Variants in NFIB observed in about 807,000 individuals in gnomAD.
NFIB encodes the protein nuclear factor I B.
A neutral mutation model predicts 61.5 loss-of-function variants in NFIB; 11 were observed. The ratio of observed to expected loss-of-function variants is 0.18; its 90% CI spans 0.11 to 0.30. The LOEUF is 0.30. Among genes scored for constraint, NFIB ranks in the 10% least tolerant of loss-of-function variants. The pLI, the probability that NFIB is intolerant of heterozygous loss-of-function variation, is 1.00. For missense variants in NFIB, 471 were observed against 608.9 expected, an observed-to-expected ratio of 0.77 and a Z score of 2.38; for synonymous variants, 260 against 216.5, an observed-to-expected ratio of 1.20 and a Z score of -1.76.
At chr9:14,520,808 G>C in the NFIB span, among the ~76,000 whole-genome samples, 2 of 152,178 alleles carry the variant, frequency 1.3e-5, no homozygotes, top group Non-Finnish European at 2.9e-5. Context: ...CAGGTACTAA[G>C]GGTAAGGCTG....
chr9:14,457,331 A>G, the NFIB span, among the ~76,000 whole-genome samples: 1 of 152,172 alleles, frequency 6.6e-6, no homozygotes, highest in African/African-American at 2.4e-5. Context: ...TAAAAAAATG[A>G]TAGTTTAGTT....
At chr9:14,233,429 T>C (rs996255271) in intron 2 of NFIB, among the ~76,000 whole-genome samples, 1 of 147,844 alleles carries the variant, frequency 6.8e-6, no homozygotes, top group Non-Finnish European at 1.5e-5. Flanking sequence ...TTCTTTTTTT[T>C]TTTTTTTTTT....
intron 1 of NFIB, among the ~76,000 whole-genome samples, chr9:14,346,532 C>T (rs533112833): frequency 6.6e-6 from 1 of 152,272 alleles, no homozygotes; most frequent in African/African-American, 2.4e-5. Flanking sequence ...GCCACACCGT[C>T]GGCGACGGAT....
chr9:14,385,695 G>A (rs1588405156), intron 1 of NFIB, among the ~76,000 whole-genome samples: 1 of 151,166 alleles, frequency 6.6e-6, no homozygotes, highest in Non-Finnish European at 1.5e-5. Context: ...TTATATATTT[G>A]TAATCTTTTA....
intron 4 of NFIB, among the ~76,000 whole-genome samples, chr9:14,152,425 A>C (rs1199640511): frequency 6.6e-6 from 1 of 152,136 alleles, no homozygotes; most frequent in African/African-American, 2.4e-5. Flanking sequence ...ACCATGTTCT[A>C]TATGACACTG....
At chr9:14,437,987 T>G in the NFIB span, among the ~76,000 whole-genome samples, 1 of 151,540 alleles carries the variant, frequency 6.6e-6, no homozygotes, top group Admixed American at 6.6e-5. Flanking sequence ...TCTTGGGTAC[T>G]TTCTAGAACA....
chr9:14,109,197 G>C (rs1308038276), intron 10 of NFIB, among the ~76,000 whole-genome samples: 1 of 151,992 alleles, frequency 6.6e-6, no homozygotes, highest in East Asian at 1.9e-4. Flanking sequence ...AAAATTGTTA[G>C]ACTGAATTAT....
the NFIB span, among the ~76,000 whole-genome samples, chr9:14,499,264 G>C: frequency 4.6e-5 from 7 of 152,122 alleles, no homozygotes; most frequent in African/African-American, 1.7e-4. Flanking sequence ...CTGATGTCTG[G>C]CTGAAAGGCT....
At chr9:14,392,154 A>G (rs892044655) in intron 1 of NFIB, among the ~76,000 whole-genome samples, 1 of 152,242 alleles carries the variant, frequency 6.6e-6, no homozygotes, top group African/African-American at 2.4e-5. Flanking sequence ...AGAAACTGCC[A>G]CAGCCAAGAG....
chr9:14,270,901 A>C (rs112881096), intron 2 of NFIB, among the ~76,000 whole-genome samples: 1 of 152,132 alleles, frequency 6.6e-6, no homozygotes, highest in African/African-American at 2.4e-5. Context: ...TATGAAGCTG[A>C]GTCTCCGTAG....
At chr9:14,229,387 A>G (rs2052838183) in intron 2 of NFIB, among the ~76,000 whole-genome samples, 1 of 152,206 alleles carries the variant, frequency 6.6e-6, no homozygotes, top group South Asian at 2.1e-4. Context: ...ATGGGAGATC[A>G]AGTACTTCTA....
intron 5 of NFIB, among the ~76,000 whole-genome samples, chr9:14,149,001 AAGAC>A (rs2042582252): frequency 6.6e-6 from 1 of 152,214 alleles, no homozygotes; most frequent in South Asian, 2.1e-4. Flanking sequence ...CTTACTCTGA[AAGAC>A]AGTATCTTAT....
chr9:14,267,553 G>C (rs1346837483), intron 2 of NFIB, among the ~76,000 whole-genome samples: 1 of 152,100 alleles, frequency 6.6e-6, no homozygotes, highest in East Asian at 1.9e-4. Flanking sequence ...AAAGACCTTA[G>C]CCAACAAAGA....
intron 1 of NFIB, among the ~76,000 whole-genome samples, chr9:14,350,129 C>T (rs1422666933): frequency 1.3e-5 from 2 of 152,160 alleles, no homozygotes; most frequent in Non-Finnish European, 2.9e-5. Flanking sequence ...TTTTCCAGCG[C>T]TCAGCCTCGG....
intron 10 of NFIB, among the ~76,000 whole-genome samples, chr9:14,097,746 C>T (rs900639814): frequency 6.6e-6 from 1 of 151,850 alleles, no homozygotes; most frequent in African/African-American, 2.4e-5. Context: ...TGAGAGCATA[C>T]ATTTTACAAA....
At chr9:14,243,758 T>C (rs1487343827) in intron 2 of NFIB, among the ~76,000 whole-genome samples, 6 of 152,252 alleles carry the variant, frequency 3.9e-5, no homozygotes, top group Non-Finnish European at 8.8e-5. Context: ...AAGGCAGAAA[T>C]GTTCATCCAC....
intron 2 of NFIB, among the ~76,000 whole-genome samples, chr9:14,267,869 A>G (rs1049928024): frequency 3.3e-5 from 5 of 152,308 alleles, no homozygotes; most frequent in Non-Finnish European, 5.9e-5. Context: ...GCAGTGGCTC[A>G]CGCCTGTAAT....
rs1309631468 is a variant in NFIB at position 14,237,841 on chromosome 9, CAGTGTGTG to C, written c.563-58069_563-58062del. On this transcript the variant is annotated intron_variant, in intron 2 of 10. Transcript: ENST00000380953. ...AAGCTCCTCACCCTGCTAGGTATAACAGTGTGTGTGTGTGTGTGTGTGTGTGTGTGTGT... is the reference window on the plus strand; with the variant it reads ...AAGCTCCTCACCCTGCTAGGTATAACTGTGTGTGTGTGTGTGTGTGTGTGT... Among the ~76,000 whole-genome samples, 8 of 26,028 alleles carry C rather than the reference CAGTGTGTG, an allele frequency of 3.1e-4. No individual in the cohort carries two copies. The South Asian group carries it at 4.6e-3, about 15-fold the overall frequency. The allele number at this position is 26,028 out of a possible 152,430, so 17.1% of individuals were successfully genotyped here.
chr9:14,506,698 C>A, the NFIB span, among the ~76,000 whole-genome samples: 29 of 152,090 alleles, frequency 1.9e-4, no homozygotes, highest in Non-Finnish European at 4.0e-4. Context: ...CCTTACTGTA[C>A]CCCTAAAACT....
Sources: gnomAD v4.1 joint callset for allele counts (sites outside exome capture counted in the v4.1 genomes callset) on GRCh38, gnomAD v4.1.1 for gene constraint, MANE v1.5 for transcripts, NCBI Gene and HGNC (gene_info 2026-07-23, HGNC 2026-07-21) for gene names.